The following SLC2A3 variants were observed in gnomAD, a reference collection of about 807,000 sequenced individuals.
SLC2A3 encodes the protein solute carrier family 2, facilitated glucose transporter member 3.
SLC2A3 carries 21 observed loss-of-function variants against 46.4 expected under a neutral mutation model. The observed-to-expected ratio is 0.45, with a 90% CI of 0.32 to 0.65. SLC2A3 has a LOEUF of 0.65. SLC2A3 is among the 30% of genes least tolerant of loss of function. SLC2A3 has a pLI of 0.04. For synonymous variants in SLC2A3, 213 were observed against 239.4 expected (o/e 0.89, Z 1.02); for missense variants, 499 against 623.3 (o/e 0.80, Z 2.12).
intron 1 of SLC2A3, among the ~76,000 whole-genome samples, chr12:7,935,315 G>A (rs1375888536): frequency 5.3e-5 from 8 of 151,996 alleles, no homozygotes; most frequent in Admixed American, 2.0e-4. Flanking sequence ...AGCCGGGCCC[G>A]GTGGTTCATG....
chr12:7,934,376 C>T (rs1197483268), intron 1 of SLC2A3, among the ~76,000 whole-genome samples: 1 of 152,042 alleles, frequency 6.6e-6, no homozygotes, highest in Non-Finnish European at 1.5e-5. Context: ...GTCTTCACTG[C>T]TGGGTGGCTC....
rs906992359 is a variant in SLC2A3, at chr12:7,933,958, T to A, written c.16-56A>T. ...GTCCTTAAAACTTGTGATTGATGAC[T>A]GTTTCTTATTAATTATGGAGCTGTA... On this transcript the variant is annotated intron_variant, in intron 1 of 9. Coordinates refer to ENST00000075120, the MANE Select transcript of SLC2A3 (RefSeq NM_006931.3). 9 of 1,511,274 alleles carry A rather than the reference T, an allele frequency of 6.0e-6. 1 individual carries two copies. The highest frequency in any genetic ancestry group is 8.3e-6 in the Non-Finnish European group (9 of 1,090,578). The allele number at this position is 1,511,274 out of a possible 1,614,324, so 93.6% of individuals were successfully genotyped here.
At chr12:7,922,024 G>GA (rs1232067168) in intron 9 of SLC2A3, among the ~76,000 whole-genome samples, 1 of 149,450 alleles carries the variant, frequency 6.7e-6, no homozygotes, top group Non-Finnish European at 1.5e-5. Context: ...CTCTATTTAT[G>GA]AATTTTTTTT....
chr12:7,922,831 G>A lies in SLC2A3; in HGVS notation c.1262C>T (p.Pro421Leu). 6.2e-7 allele frequency: 1 copy of A among 1,613,988 alleles called. No homozygotes were observed. Among genetic ancestry groups the A allele is most frequent in the Non-Finnish European group, 8.5e-7 (1 of 1,179,892 alleles). The change falls in exon 9 of 10, where the codon CCC becomes CTC. Residue 421 changes from proline (P) to leucine (L), a missense_variant. Pro to Leu is a moderately conservative substitution (Grantham distance 98). Coordinates refer to ENST00000075120, the MANE Select transcript of SLC2A3 (RefSeq NM_006931.3). The stretch of plus-strand genomic sequence containing the variant: ...GGTGAGTTTACTTACAGCAGCGGAG[G>A]GGAAGAGCAATCCGACTAGGAAGTT... Reference protein sequence around the residue: ...TSNFLVGLLFPSAAHYLGAYV... With the variant: ...TSNFLVGLLFLSAAHYLGAYV...
At chr12:7,927,749 C>T (rs1262674563) in intron 6 of SLC2A3, among the ~76,000 whole-genome samples, 4 of 152,048 alleles carry the variant, frequency 2.6e-5, no homozygotes, top group Non-Finnish European at 5.9e-5. Flanking sequence ...AAAATCTACT[C>T]ATTGACTAAA....
rs750375659 is a variant in SLC2A3 at position 7,929,757 on chromosome 12, A to G, written c.788T>C (p.Val263Ala). The G allele has an allele frequency of 7.4e-6, 12 of 1,613,256 alleles. No individual in the cohort carries two copies. In the South Asian group the frequency reaches 1.1e-4, roughly 15 times the overall value. The change falls in exon 6 of 10, where the codon GTG becomes GCG. Residue 263 changes from valine (V) to alanine (A), a missense_variant. Physicochemically the swap from Val to Ala is moderately conservative, Grantham distance 64. Around this residue, in one of 5 missense-constraint regions of SLC2A3, gnomAD observed 65 missense variants for 88.4 expected, o/e 0.74. Coordinates refer to ENST00000075120, the MANE Select transcript of SLC2A3 (RefSeq NM_006931.3). ...KQVTVLELFRVSSYRQPIIIS... is the reference protein window; with the variant it reads ...KQVTVLELFRASSYRQPIIIS... ...GATGATGGGCTGTCGGTAGCTGGACACTCTAAAGAGCTCTAGCACGGTGAC... is the reference window on the plus strand; with the variant it reads ...GATGATGGGCTGTCGGTAGCTGGACGCTCTAAAGAGCTCTAGCACGGTGAC...
chr12:7,932,876 A>G (rs1715499126), intron 3 of SLC2A3, 111 bp downstream of exon 3: 1 of 1,478,044 alleles, frequency 6.8e-7, no homozygotes, highest in African/African-American at 1.4e-5. Context: ...CTTGATTAGA[A>G]TTCAAGGTGT....
At position 7,927,736 on chromosome 12, in the gene SLC2A3, C is replaced by A. The variant is rs949950592; in HGVS notation, c.862-1788G>T. Among the ~76,000 whole-genome samples the A allele has an allele frequency of 5.9e-5, 9 of 151,974 alleles. No homozygotes were observed. In the East Asian group the frequency reaches 1.4e-3, roughly 23 times the overall value. ...CAGCTTTGGGTGAGATTATACCTAG[C>A]GCAAAATCTACTCATTGACTAAATT... On this transcript the variant is annotated intron_variant, in intron 6 of 9. Transcript: ENST00000075120.
At chr12:7,931,751 G>A (rs1019216509) in intron 3 of SLC2A3, among the ~76,000 whole-genome samples, 29 of 151,932 alleles carry the variant, frequency 1.9e-4, no homozygotes, top group Non-Finnish European at 3.4e-4. Context: ...ACTCCAGCCC[G>A]GGTGACAGAG....
rs374918816 is a variant in SLC2A3 at position 7,933,040 on chromosome 12, G to A, written c.216C>T (p.Val72=). The change falls in exon 3 of 10, where the codon GTC becomes GTT. Residue 72 remains valine, a synonymous_variant. Coordinates refer to ENST00000075120, the MANE Select transcript of SLC2A3 (RefSeq NM_006931.3). Reference sequence around the variant, plus strand: ...CGGAAAAGGAGCCGATCATACCCCCGACGGAAAATATGGCCACAGACAAGG... The same window carrying A: ...CGGAAAAGGAGCCGATCATACCCCCAACGGAAAATATGGCCACAGACAAGG... ...LWSLSVAIFS[V]GGMIGSFSVG... The A allele has an allele frequency of 4.6e-5, 74 of 1,614,098 alleles. 2 individuals carry two copies. Among genetic ancestry groups the A allele is most frequent in the South Asian group, 3.0e-4 (27 of 91,082 alleles).
At chr12:7,923,125 G>C in intron 8 of SLC2A3, 101 bp from the exon 9 acceptor site, 2 of 1,110,350 alleles carry the variant, frequency 1.8e-6, no homozygotes, top group Admixed American at 2.8e-5. Flanking sequence ...TGTCCCTGAC[G>C]TACAATACAA....
Position 7,926,716 on chromosome 12 carries a change from A to G in SLC2A3, c.862-768T>C, listed in dbSNP as rs12313424. 2.1e-3 allele frequency among the ~76,000 whole-genome samples: 321 copies of G among 152,234 alleles called. 4 individuals are homozygous for G. Among genetic ancestry groups the G allele is most frequent in the African/African-American group, 7.2e-3 (300 of 41,544 alleles). ...CCAAACTCTCAAAACATTGATAGGG[A>G]CATCGATGTCTCAATTTGATAGTGA... On this transcript the variant is annotated intron_variant, in intron 6 of 9. Transcript: ENST00000075120.
intron 6 of SLC2A3, among the ~76,000 whole-genome samples, chr12:7,927,217 T>C (rs189114605): frequency 6.6e-6 from 1 of 152,316 alleles, no homozygotes; most frequent in East Asian, 1.9e-4. Flanking sequence ...AAAAACCTGC[T>C]GCTCTAGGGC....
At chr12:7,928,606 G>A (rs1045360509) in intron 6 of SLC2A3, among the ~76,000 whole-genome samples, 2 of 151,752 alleles carry the variant, frequency 1.3e-5, no homozygotes, top group Non-Finnish European at 2.9e-5. Context: ...CAGAACTAAC[G>A]CAAGGTACAT....
intron 8 of SLC2A3, among the ~76,000 whole-genome samples, chr12:7,924,118 G>A (rs945187239): frequency 6.6e-6 from 1 of 152,060 alleles, no homozygotes; most frequent in Non-Finnish European, 1.5e-5. Context: ...ATGTCACTTT[G>A]TACTGAGACC....
chr12:7,922,615 C>G (rs2121179653), intron 9 of SLC2A3, among the ~76,000 whole-genome samples: 1 of 152,138 alleles, frequency 6.6e-6, no homozygotes, highest in Middle Eastern at 3.4e-3. Context: ...GCATGCACCA[C>G]CATGCCCAGC....
chr12:7,930,273 AC>A (rs377714434), intron 5 of SLC2A3: 6 of 580,640 alleles, frequency 1.0e-5, no homozygotes, highest in African/African-American at 7.5e-5. Context: ...GAGCCATCAC[AC>A]CCTGCCTGAT....
At position 7,923,111 on chromosome 12, in the gene SLC2A3, C is replaced by T. The variant is rs1946056237; in HGVS notation, c.1069-87G>A. On this transcript the variant is annotated intron_variant, in intron 8 of 9. Coordinates refer to ENST00000075120, the MANE Select transcript of SLC2A3 (RefSeq NM_006931.3). ...CCCAGAAGCAATTAACGGCAAGCTC[C>T]TCCTGTCCCTGACGTACAATACAAA... 4.0e-6 allele frequency: 5 copies of T among 1,239,948 alleles called. No homozygotes were observed. In the East Asian group the frequency reaches 1.0e-4, roughly 25 times the overall value. The allele number at this position is 1,239,948 out of a possible 1,614,324, so 76.8% of individuals were successfully genotyped here.
chr12:7,929,385 C>T (rs1029390278), intron 6 of SLC2A3: 3 of 374,926 alleles, frequency 8.0e-6, no homozygotes, highest in Admixed American at 8.3e-5. Context: ...ACCATGCTCG[C>T]TATACTAGTT....
Sources: gnomAD v4.1 joint callset for allele counts (sites outside exome capture counted in the v4.1 genomes callset) on GRCh38, gnomAD v4.1.1 for gene constraint, gnomAD v4.1.1 regional missense constraint, MANE v1.5 for transcripts, NCBI Gene and HGNC (gene_info 2026-07-23, HGNC 2026-07-21) for gene names.